The following BBS9 variants were observed in gnomAD, a reference collection of about 807,000 sequenced individuals.
BBS9 encodes Bardet-Biedl syndrome 9.
A neutral mutation model predicts 117.7 loss-of-function variants in BBS9; 89 were observed. That is an observed-to-expected ratio of 0.76 (90% CI 0.64 to 0.90). The LOEUF (loss-of-function observed/expected upper bound fraction) is 0.90. BBS9 is among the 40% of genes least tolerant of loss of function. The pLI is 0.00. For synonymous variants in BBS9, 379 were observed against 370.9 expected, an observed-to-expected ratio of 1.02 and a Z score of -0.25; for missense variants, 982 against 1,042.2, an observed-to-expected ratio of 0.94 and a Z score of 0.80.
intron 5 of BBS9, among the ~76,000 whole-genome samples, chr7:33,245,344 G>GGCATACAA (rs1389400801): frequency 1.3e-5 from 2 of 151,772 alleles, no homozygotes; most frequent in African/African-American, 4.8e-5. Flanking sequence ...ACAGATCTTA[G>GGCATACAA]TGTTTCTAGT....
chr7:33,393,407 G>T (rs940170454), intron 19 of BBS9, among the ~76,000 whole-genome samples: 1 of 152,052 alleles, frequency 6.6e-6, no homozygotes, highest in Admixed American at 6.6e-5. Context: ...CCCTGTTTTT[G>T]GTTTAATGCT....
intron 5 of BBS9, among the ~76,000 whole-genome samples, chr7:33,229,905 A>G (rs1209892486): frequency 6.6e-6 from 1 of 152,100 alleles, no homozygotes; most frequent in East Asian, 1.9e-4. Flanking sequence ...CTTTCTCTAC[A>G]CCACTGCCAA....
chr7:33,186,526 C>T (rs761174873), intron 5 of BBS9, among the ~76,000 whole-genome samples: 3 of 152,148 alleles, frequency 2.0e-5, no homozygotes, highest in Non-Finnish European at 4.4e-5. Context: ...AAGTTAAGTG[C>T]ATATCTTTGA....
chr7:33,466,563 CA>C (rs1840197431), intron 19 of BBS9, among the ~76,000 whole-genome samples: 1 of 151,986 alleles, frequency 6.6e-6, no homozygotes, highest in African/African-American at 2.4e-5. Context: ...ATTCTTTATT[CA>C]TTCATCTGTC....
intron 7 of BBS9, among the ~76,000 whole-genome samples, chr7:33,269,820 C>T (rs1021728974): frequency 2.6e-5 from 4 of 151,442 alleles, no homozygotes; most frequent in South Asian, 2.1e-4. Flanking sequence ...GTCAGGAAAT[C>T]GAGACCATCC....
intron 9 of BBS9, among the ~76,000 whole-genome samples, chr7:33,290,745 A>C (rs1803885663): frequency 6.6e-6 from 1 of 152,242 alleles, no homozygotes; most frequent in South Asian, 2.1e-4. Context: ...TTGGTATAGA[A>C]ATTTTTTTAT....
chr7:33,396,350 G>A (rs74904637), intron 19 of BBS9, among the ~76,000 whole-genome samples: 10,661 of 151,692 alleles, frequency 0.07, 421 homozygotes, highest in African/African-American at 0.088. Flanking sequence ...TTTCAAAACC[G>A]GAATGATATA....
intron 21 of BBS9, among the ~76,000 whole-genome samples, chr7:33,584,732 A>C (rs1211631671): frequency 6.6e-6 from 1 of 152,126 alleles, no homozygotes; most frequent in African/African-American, 2.4e-5. Context: ...ATACATATAC[A>C]TGCATGAGAT....
intron 21 of BBS9, among the ~76,000 whole-genome samples, chr7:33,572,836 TATCA>T (rs1341129368): frequency 6.6e-6 from 1 of 152,090 alleles, no homozygotes; most frequent in African/African-American, 2.4e-5. Flanking sequence ...TTCTCTTGTC[TATCA>T]ATCAACTATT....
intron 19 of BBS9, among the ~76,000 whole-genome samples, chr7:33,472,907 A>G (rs920605276): frequency 6.6e-6 from 1 of 152,206 alleles, no homozygotes; most frequent in Non-Finnish European, 1.5e-5. Context: ...CCACTTGGTC[A>G]AATATGTAAT....
intron 19 of BBS9, among the ~76,000 whole-genome samples, chr7:33,430,280 A>C (rs954878202): frequency 6.6e-6 from 1 of 152,174 alleles, no homozygotes; most frequent in Non-Finnish European, 1.5e-5. Flanking sequence ...GGCACTTTGG[A>C]TTTTTCAGTC....
At chr7:33,451,492 GA>G (rs61339728) in intron 19 of BBS9, among the ~76,000 whole-genome samples, 1,676 of 152,212 alleles carry the variant, frequency 0.011, 33 homozygotes, top group African/African-American at 0.038. Context: ...CCTTGTTGAA[GA>G]TAATTTGACC....
At chr7:33,182,740 G>C (rs1798266042) in intron 5 of BBS9, among the ~76,000 whole-genome samples, 1 of 152,034 alleles carries the variant, frequency 6.6e-6, no homozygotes, top group African/African-American at 2.4e-5. Flanking sequence ...TAAATACACA[G>C]ACAAAAGAAG....
chr7:33,454,387 T>C (rs1838330659), intron 19 of BBS9, among the ~76,000 whole-genome samples: 1 of 152,226 alleles, frequency 6.6e-6, no homozygotes, highest in Non-Finnish European at 1.5e-5. Context: ...TAGTGAGATG[T>C]CTATGGCAGT....
chr7:33,553,737 G>A (rs148800105), intron 21 of BBS9, among the ~76,000 whole-genome samples: 5 of 152,100 alleles, frequency 3.3e-5, no homozygotes, highest in Non-Finnish European at 5.9e-5. Flanking sequence ...ATTTACTCAT[G>A]AATAGGACAA....
chr7:33,282,589 G>A (rs1802113305), intron 9 of BBS9, among the ~76,000 whole-genome samples: 1 of 152,014 alleles, frequency 6.6e-6, no homozygotes, highest in African/African-American at 2.4e-5. Context: ...GGCCAGGCTG[G>A]TCTTGAACTC....
chr7:33,481,406 C>G (rs1034180814), intron 19 of BBS9, among the ~76,000 whole-genome samples: 2 of 152,014 alleles, frequency 1.3e-5, no homozygotes, highest in Admixed American at 6.6e-5. Context: ...ACATGTATTT[C>G]TCTATAAAAT....
At chr7:33,542,129 G>A (rs1374613287) in intron 21 of BBS9, among the ~76,000 whole-genome samples, 1 of 151,444 alleles carries the variant, frequency 6.6e-6, no homozygotes, top group Non-Finnish European at 1.5e-5. Context: ...CTGTCACCCA[G>A]GCTGGAGTGC....
intron 21 of BBS9, among the ~76,000 whole-genome samples, chr7:33,565,236 T>A (rs1256205038): frequency 2.6e-5 from 4 of 152,156 alleles, no homozygotes; most frequent in African/African-American, 7.2e-5. Flanking sequence ...TGTACTACTA[T>A]CTCTTTTTTA....
Sources: allele counts gnomAD v4.1 joint callset (sites outside exome capture counted in the v4.1 genomes callset), GRCh38; gene constraint gnomAD v4.1.1; transcripts MANE v1.5; gene names NCBI Gene and HGNC (gene_info 2026-07-23, HGNC 2026-07-21).